Variants in SLAIN2 observed in about 807,000 individuals in gnomAD.
SLAIN2 encodes the protein SLAIN family member 2.
Under a neutral mutation model 56.6 loss-of-function variants are expected in SLAIN2, and 31 were observed. That is an observed-to-expected ratio of 0.55 (90% CI 0.41 to 0.74). The LOEUF (loss-of-function observed/expected upper bound fraction) is 0.74, where lower values mean the gene tolerates loss of function less well. Ranked by LOEUF, SLAIN2 falls within the 30% of genes least tolerant of loss-of-function variation. SLAIN2 has a pLI of 0.00. For missense variants in SLAIN2, 777 were observed against 754.2 expected (o/e 1.03, Z -0.35); for synonymous variants, 317 against 284.9 (o/e 1.11, Z -1.13).
chr4:48,418,776 A>T (rs1185397178), intron 6 of SLAIN2, among the ~76,000 whole-genome samples: 5 of 152,168 alleles, frequency 3.3e-5, no homozygotes, highest in African/African-American at 1.2e-4. Flanking sequence ...ACCTCCAACA[A>T]ACATTTGTTC....
chr4:48,362,371 A>G (rs1360416259), intron 1 of SLAIN2, among the ~76,000 whole-genome samples: 1 of 151,514 alleles, frequency 6.6e-6, no homozygotes, highest in Non-Finnish European at 1.5e-5. Context: ...GAAGGTTTTT[A>G]AATTTATTTA....
At chr4:48,399,115 AT>A (rs1716483582) in intron 6 of SLAIN2, among the ~76,000 whole-genome samples, 1 of 152,096 alleles carries the variant, frequency 6.6e-6, no homozygotes, top group Admixed American at 6.5e-5. Context: ...ATATTATGAT[AT>A]TGATTCTTCC....
chr4:48,350,706 C>A (rs1028744524), intron 1 of SLAIN2, among the ~76,000 whole-genome samples: 1 of 152,132 alleles, frequency 6.6e-6, no homozygotes, highest in African/African-American at 2.4e-5. Flanking sequence ...AGGAAATGAA[C>A]AACTTTAGGA....
At chr4:48,359,731 T>G (rs958645294) in intron 1 of SLAIN2, among the ~76,000 whole-genome samples, 3 of 152,260 alleles carry the variant, frequency 2.0e-5, no homozygotes, top group African/African-American at 7.2e-5. Flanking sequence ...TAGTTGTCTT[T>G]AATCACCATA....
intron 6 of SLAIN2, among the ~76,000 whole-genome samples, chr4:48,414,591 G>A (rs1399561457): frequency 1.4e-4 from 20 of 139,932 alleles, no homozygotes; most frequent in African/African-American, 5.4e-4. Context: ...AAGTTTTAGG[G>A]TACATGTGCA....
At position 48,341,839 on chromosome 4, in the gene SLAIN2, C is replaced by T; in HGVS notation, c.100C>T (p.Arg34Cys). 1 of 1,526,208 alleles carries T rather than the reference C, an allele frequency of 6.6e-7. No homozygotes were observed. The highest frequency in any genetic ancestry group is 1.2e-5 in the South Asian group (1 of 81,924). The allele number at this position is 1,526,208 out of a possible 1,614,324, so 94.5% of individuals were successfully genotyped here. A position where few individuals can be genotyped will look rare whatever the true frequency, so the allele number is the denominator to read the frequency against. ...LEKQNEQLRS[R>C]SGAVQGAGSL... is the part of the protein sequence containing the mutation. ...GAAGCAGAACGAACAGCTGAGGAGC[C>T]GCTCGGGGGCCGTGCAGGGCGCCGG... is the stretch of plus-strand genomic sequence containing the variant. Residue 34 changes from arginine to cysteine, a missense_variant, in exon 1 of 8, where the codon CGC becomes TGC. By Grantham distance (180) the Arg-to-Cys change is radical. Coordinates refer to ENST00000264313, the MANE Select transcript of SLAIN2 (RefSeq NM_020846.2).
chr4:48,341,591 G>C lies in SLAIN2; in HGVS notation c.-149G>C. 1 of 1,249,726 alleles carries C rather than the reference G, an allele frequency of 8.0e-7. No homozygotes were observed. Among genetic ancestry groups the C allele is most frequent in the Non-Finnish European group, 1.0e-6 (1 of 957,602 alleles). 77.4% of individuals were successfully genotyped at this position (1,249,726 alleles called of 1,614,324 possible). On this transcript the variant is annotated 5_prime_UTR_variant, in exon 1 of 8. Coordinates refer to ENST00000264313, the MANE Select transcript of SLAIN2 (RefSeq NM_020846.2). ...GGCCAGCGGCGCTTTGGAACCCGAG[G>C]TGGGGGGACCCTGGCGGTGGGGCCT... is the stretch of plus-strand genomic sequence containing the variant.
intron 6 of SLAIN2, among the ~76,000 whole-genome samples, chr4:48,397,836 CTT>C (rs1486033022): frequency 5.3e-5 from 8 of 152,128 alleles, no homozygotes; most frequent in Non-Finnish European, 1.2e-4. Context: ...GACATGAACT[CTT>C]TCTTTCTTAT....
intron 6 of SLAIN2, among the ~76,000 whole-genome samples, chr4:48,389,643 A>G (rs1383522061): frequency 2.6e-5 from 4 of 152,238 alleles, no homozygotes; most frequent in Admixed American, 2.0e-4. Flanking sequence ...AGGAGCTTAT[A>G]TGAGTTGCCC....
chr4:48,341,602 C>T lies in SLAIN2; in HGVS notation c.-138C>T, dbSNP rs959903392. 2.1e-4 allele frequency: 268 copies of T among 1,297,942 alleles called. 1 individual carries two copies. The highest frequency in any genetic ancestry group is 2.7e-4 in the Non-Finnish European group (265 of 999,276). 80.4% of individuals were successfully genotyped at this position (1,297,942 alleles called of 1,614,324 possible). ...CTTTGGAACCCGAGGTGGGGGGACC[C>T]TGGCGGTGGGGCCTGGTCCTGCTAT... On this transcript the variant is annotated 5_prime_UTR_variant, in exon 1 of 8. Transcript: ENST00000264313.
Position 48,385,733 on chromosome 4 carries a change from A to G in SLAIN2, c.1360+1949A>G, listed in dbSNP as rs117413697. On this transcript the variant is annotated intron_variant, in intron 6 of 7. Coordinates refer to ENST00000264313, the MANE Select transcript of SLAIN2 (RefSeq NM_020846.2). ...ACTGCGGCCTCACCTTCCTGGGCTCAAGTGATCCTCCTGCGTAGCTGGGAC... is the reference window on the plus strand; with the variant it reads ...ACTGCGGCCTCACCTTCCTGGGCTCGAGTGATCCTCCTGCGTAGCTGGGAC... Among the ~76,000 whole-genome samples, 29 of 151,250 alleles carry G rather than the reference A, an allele frequency of 1.9e-4. No homozygotes were observed. The South Asian group carries it at 2.3e-3, about 12-fold the overall frequency.
chr4:48,342,558 T>G (rs1487659796), intron 1 of SLAIN2, among the ~76,000 whole-genome samples: 2 of 151,340 alleles, frequency 1.3e-5, no homozygotes, highest in African/African-American at 4.9e-5. Context: ...GGTGTGGGGG[T>G]CAGGGGCAGA....
In SLAIN2 at chr4:48,379,782, AT is replaced by A. The variant is rs1560457686; in HGVS notation, c.798del (p.Ile266MetfsTer7). ...TGCTTCAGAATTAGATGAAGATTCA[AT>A]TGGATCCAATTATAAGCTAAATGAT... ...LSASELDEDSIGSNYKLNDVT... is the reference protein window; with the variant it reads ...LSASELDEDSXGSNYKLNDVT... On this transcript the variant is annotated frameshift_variant, in exon 4 of 8. Coordinates refer to ENST00000264313, the MANE Select transcript of SLAIN2 (RefSeq NM_020846.2). LOFTEE classifies it high-confidence loss of function. 3 of 1,599,504 alleles carry A rather than the reference AT, an allele frequency of 1.9e-6. No individual in the cohort carries two copies. The highest frequency in any genetic ancestry group is 2.6e-6 in the Non-Finnish European group (3 of 1,173,832).
chr4:48,344,327 T>C (rs1235540092), intron 1 of SLAIN2, among the ~76,000 whole-genome samples: 1 of 152,226 alleles, frequency 6.6e-6, no homozygotes, highest in Non-Finnish European at 1.5e-5. Flanking sequence ...TCAAAGTCAA[T>C]ATTTTTTCCT....
At chr4:48,410,451 A>G (rs991490432) in intron 6 of SLAIN2, among the ~76,000 whole-genome samples, 13 of 152,154 alleles carry the variant, frequency 8.5e-5, no homozygotes, top group Admixed American at 4.6e-4. Context: ...AGTATCATTT[A>G]TCAATTTTTG....
chr4:48,378,535 T>C (rs542199384), intron 3 of SLAIN2, among the ~76,000 whole-genome samples: 2 of 152,304 alleles, frequency 1.3e-5, no homozygotes, highest in South Asian at 4.1e-4. Flanking sequence ...GAAAGAATGT[T>C]CTGCTCTGAG....
At chr4:48,386,174 T>A (rs1442084677) in intron 6 of SLAIN2, among the ~76,000 whole-genome samples, 1 of 152,040 alleles carries the variant, frequency 6.6e-6, no homozygotes, top group Non-Finnish European at 1.5e-5. Flanking sequence ...TTTCCTTATT[T>A]ACAAGGTGCA....
intron 6 of SLAIN2, among the ~76,000 whole-genome samples, chr4:48,410,507 C>A (rs1368996303): frequency 2.6e-5 from 4 of 152,124 alleles, no homozygotes; most frequent in Non-Finnish European, 5.9e-5. Flanking sequence ...CAGTGCCTAA[C>A]CCTAGTCATT....
intron 1 of SLAIN2, among the ~76,000 whole-genome samples, chr4:48,357,796 C>A (rs1221526493): frequency 1.3e-5 from 2 of 152,094 alleles, no homozygotes; most frequent in Admixed American, 1.3e-4. Flanking sequence ...CTCAGGTGTT[C>A]CGCCCGACTT....
Sources: allele counts gnomAD v4.1 joint callset (sites outside exome capture counted in the v4.1 genomes callset), GRCh38; gene constraint gnomAD v4.1.1; transcripts MANE v1.5; gene names NCBI Gene and HGNC (gene_info 2026-07-23, HGNC 2026-07-21).